Variants in PRRC1 observed in about 807,000 individuals in gnomAD.
PRRC1 encodes the protein protein PRRC1.
PRRC1 carries 39 observed loss-of-function variants against 40.7 expected under a neutral mutation model. The observed-to-expected ratio is 0.96, with a 90% CI of 0.74 to 1.25. The LOEUF (loss-of-function observed/expected upper bound fraction) is 1.25, where lower values mean the gene tolerates loss of function less well. PRRC1 is among the 50% of genes most tolerant of loss of function. The pLI, the probability that PRRC1 is intolerant of heterozygous loss-of-function variation, is 0.00. For synonymous variants in PRRC1, 175 were observed against 193.3 expected (o/e 0.91, Z 0.79); for missense variants, 573 against 548.3 (o/e 1.05, Z -0.45).
At position 127,523,582 on chromosome 5, in the gene PRRC1, G is replaced by C; in HGVS notation, c.103G>C (p.Ala35Pro). The change falls in exon 2 of 9, where the codon GCG becomes CCG. Residue 35 changes from alanine to proline, a missense_variant and splice_region_variant. Physicochemically the swap from Ala to Pro is conservative, Grantham distance 27. Transcript: ENST00000296666. ...TAMSSTPVPLAATSSFSSPNV... is the reference protein window; with the variant it reads ...TAMSSTPVPLPATSSFSSPNV... The stretch of plus-strand genomic sequence containing the variant: ...TATGTCTTCTACCCCTGTTCCATTA[G>C]GTACATGTAGTTGTCTAACATCTCG... The C allele has an allele frequency of 6.3e-7, 1 of 1,582,156 alleles. No individual in the cohort carries two copies. The highest frequency in any genetic ancestry group is 8.6e-7 in the Non-Finnish European group (1 of 1,162,458).
At chr5:127,535,093 T>TTAGGATGGG (rs1580939373) in intron 6 of PRRC1, among the ~76,000 whole-genome samples, 1 of 152,252 alleles carries the variant, frequency 6.6e-6, no homozygotes, top group East Asian at 1.9e-4. Context: ...GATACGATGG[T>TTAGGATGGG]TAGGATACTG....
At chr5:127,544,393 C>G (rs1042972189) in intron 7 of PRRC1, among the ~76,000 whole-genome samples, 5 of 152,178 alleles carry the variant, frequency 3.3e-5, no homozygotes, top group Non-Finnish European at 1.5e-5. Flanking sequence ...CTGGGAGAAC[C>G]ACTGCTCTCT....
chr5:127,552,853 T>G lies in PRRC1; in HGVS notation c.*937T>G. On this transcript the variant is annotated 3_prime_UTR_variant, in exon 9 of 9. Coordinates refer to ENST00000296666, the MANE Select transcript of PRRC1 (RefSeq NM_130809.5). Reference sequence around the variant, plus strand: ...TTCAATTAAGGTTACTTATTTGGTTTGCCTTAAGCATTACTTTTTTAACTT... The same window carrying G: ...TTCAATTAAGGTTACTTATTTGGTTGGCCTTAAGCATTACTTTTTTAACTT... 1 of 983,526 alleles carries G rather than the reference T, an allele frequency of 1.0e-6. No homozygotes were observed. Among genetic ancestry groups the G allele is most frequent in the Non-Finnish European group, 1.2e-6 (1 of 827,854 alleles). The allele number at this position is 983,526 out of a possible 1,614,324, so 60.9% of individuals were successfully genotyped here.
intron 7 of PRRC1, among the ~76,000 whole-genome samples, chr5:127,539,648 T>C (rs1372283131): frequency 6.6e-6 from 1 of 152,146 alleles, no homozygotes. Context: ...GCTTAATTGA[T>C]TTATATTAGA....
intron 5 of PRRC1, among the ~76,000 whole-genome samples, chr5:127,533,151 G>T (rs1309234127): frequency 6.6e-6 from 1 of 151,834 alleles, no homozygotes; most frequent in Non-Finnish European, 1.5e-5. Context: ...ATCTATTTGT[G>T]GTGTATGCTC....
intron 6 of PRRC1, among the ~76,000 whole-genome samples, chr5:127,536,916 TAG>T (rs571365432): frequency 1.8e-4 from 27 of 152,036 alleles, no homozygotes; most frequent in Admixed American, 8.5e-4. Context: ...AAAAATAATG[TAG>T]AGTCTTAGAG....
At chr5:127,517,857 C>G (rs929037344) in intron 1 of PRRC1, 81 bp downstream of exon 1, 2 of 152,318 alleles carry the variant, frequency 1.3e-5, no homozygotes, top group African/African-American at 2.4e-5. Flanking sequence ...AGAGCCAGAC[C>G]CCGAGGGACG....
intron 1 of PRRC1, 126 bp downstream of exon 1, chr5:127,517,902 A>C (rs1767358277): frequency 6.6e-6 from 1 of 152,342 alleles, no homozygotes; most frequent in Non-Finnish European, 1.5e-5. Context: ...GGCCGGCGCC[A>C]CTGGACGCCG....
chr5:127,546,381 G>A (rs1030212019), intron 7 of PRRC1, among the ~76,000 whole-genome samples: 2 of 152,000 alleles, frequency 1.3e-5, no homozygotes, highest in African/African-American at 4.8e-5. Context: ...CCAATATCAC[G>A]GTCACTTGTG....
At position 127,539,029 on chromosome 5, in the gene PRRC1, T is replaced by A. The variant is rs773569107; in HGVS notation, c.922-11T>A. The A allele has an allele frequency of 5.0e-6, 8 of 1,605,402 alleles. No individual in the cohort carries two copies. On this transcript the variant is annotated splice_polypyrimidine_tract_variant and intron_variant, in intron 6 of 8. Coordinates refer to ENST00000296666, the MANE Select transcript of PRRC1 (RefSeq NM_130809.5). ...TTGAAATGGTCTCTAACCTCTGCCATTGTTGTTTAGGGTGCTCAGGAACGG... is the reference window on the plus strand; with the variant it reads ...TTGAAATGGTCTCTAACCTCTGCCAATGTTGTTTAGGGTGCTCAGGAACGG...
intron 7 of PRRC1, among the ~76,000 whole-genome samples, chr5:127,547,093 T>C (rs1768247629): frequency 6.6e-6 from 1 of 152,272 alleles, no homozygotes; most frequent in South Asian, 2.1e-4. Flanking sequence ...TTAAACATTT[T>C]CCTGCTTCAT....
At chr5:127,544,379 C>A (rs377415158) in intron 7 of PRRC1, among the ~76,000 whole-genome samples, 1 of 152,170 alleles carries the variant, frequency 6.6e-6, no homozygotes, top group Non-Finnish European at 1.5e-5. Context: ...TCTCCAGCTG[C>A]GTGCTGGGAG....
chr5:127,520,583 C>A (rs146239232), intron 1 of PRRC1, among the ~76,000 whole-genome samples: 1 of 152,102 alleles, frequency 6.6e-6, no homozygotes, highest in East Asian at 1.9e-4. Flanking sequence ...CTGTATGATT[C>A]GATTTATGTA....
chr5:127,522,114 C>T (rs1767475958), intron 1 of PRRC1, among the ~76,000 whole-genome samples: 1 of 152,056 alleles, frequency 6.6e-6, no homozygotes, highest in Non-Finnish European at 1.5e-5. Context: ...TTGACCTTCG[C>T]TAAAAACTTA....
chr5:127,536,366 A>T (rs2127103743), intron 6 of PRRC1, among the ~76,000 whole-genome samples: 1 of 152,210 alleles, frequency 6.6e-6, no homozygotes, highest in East Asian at 1.9e-4. Flanking sequence ...AACTAGTTGT[A>T]TATATATAAG....
intron 3 of PRRC1, among the ~76,000 whole-genome samples, chr5:127,525,531 C>T (rs973324878): frequency 6.6e-6 from 1 of 152,100 alleles, no homozygotes; most frequent in Non-Finnish European, 1.5e-5. Flanking sequence ...TCTTGGGTGT[C>T]TACCTAGGCA....
chr5:127,526,502 A>G (rs1296337727), intron 3 of PRRC1, 116 bp from the exon 4 acceptor site: 4 of 688,406 alleles, frequency 5.8e-6, no homozygotes, highest in South Asian at 2.8e-5. Context: ...CTTTGATTGT[A>G]TAACTCAGTC....
rs543284812 is a variant in PRRC1 at position 127,547,642 on chromosome 5, TAC to T, written c.1026-175_1026-174del. On this transcript the variant is annotated intron_variant, in intron 7 of 8. Transcript: ENST00000296666. ...TTGTCTTTTTTCCTCTTAGAATTAA[TAC>T]AGAGTAATTTTATCTGTTGTTTTTA... 5.4e-4 allele frequency among the ~76,000 whole-genome samples: 73 copies of T among 136,158 alleles called. 1 individual carries two copies. The highest frequency in any genetic ancestry group is 1.7e-3 in the African/African-American group (67 of 38,696). 89.3% of individuals were successfully genotyped at this position (136,158 alleles called of 152,430 possible). A position where few individuals can be genotyped will look rare whatever the true frequency, so the allele number is the denominator to read the frequency against.
At chr5:127,534,378 G>A (rs1767844346) in intron 6 of PRRC1, among the ~76,000 whole-genome samples, 3 of 152,160 alleles carry the variant, frequency 2.0e-5, no homozygotes, top group Middle Eastern at 6.8e-3. Context: ...AAACTCCAAG[G>A]AGTTGGCAGC....
Sources: allele counts gnomAD v4.1 joint callset (sites outside exome capture counted in the v4.1 genomes callset), GRCh38; gene constraint gnomAD v4.1.1; transcripts MANE v1.5; gene names NCBI Gene and HGNC (gene_info 2026-07-23, HGNC 2026-07-21).